Variants in IFT57 observed in about 807,000 individuals in gnomAD.
IFT57 encodes the protein intraflagellar transport protein 57 homolog.
IFT57 carries 59 observed loss-of-function variants against 56.8 expected under a neutral mutation model. The ratio of observed to expected loss-of-function variants is 1.04; its 90% CI spans 0.84 to 1.29. IFT57 has a LOEUF of 1.29. Among genes scored for constraint, IFT57 ranks in the 50% most tolerant of loss-of-function variants. The pLI, the probability that IFT57 is intolerant of heterozygous loss-of-function variation, is 0.00. For synonymous variants in IFT57, 209 were observed against 186.1 expected (o/e 1.12, Z -1.00); for missense variants, 470 against 522.1 (o/e 0.90, Z 0.97).
At chr3:108,175,161 G>A (rs1390625169) in intron 6 of IFT57, among the ~76,000 whole-genome samples, 1 of 151,540 alleles carries the variant, frequency 6.6e-6, no homozygotes, top group Non-Finnish European at 1.5e-5. Flanking sequence ...TTCTTGCTGG[G>A]GTCTACTGGT....
At position 108,163,699 on chromosome 3, in the gene IFT57, C is replaced by T. The variant is rs1476855873; in HGVS notation, c.1075G>A (p.Glu359Lys). Residue 359 changes from glutamate to lysine, a missense_variant, in exon 10 of 11, where the codon GAA becomes AAA. Coordinates refer to ENST00000264538, the MANE Select transcript of IFT57 (RefSeq NM_018010.4). Reference protein sequence around the residue: ...VMEELEKVKQEMEEKGSSMTD... With the variant: ...VMEELEKVKQKMEEKGSSMTD... The stretch of plus-strand genomic sequence containing the variant: ...ATGCTGCTGCCCTTTTCTTCCATTT[C>T]TTGTTTTACCTTTTCTAATTCTTCC... The T allele has an allele frequency of 6.2e-6, 10 of 1,610,706 alleles. No homozygotes were observed. Among genetic ancestry groups the T allele is most frequent in the African/African-American group, 1.3e-5 (1 of 74,792 alleles).
At chr3:108,205,850 CAT>C (rs2080307325) in intron 5 of IFT57, among the ~76,000 whole-genome samples, 1 of 131,618 alleles carries the variant, frequency 7.6e-6, no homozygotes, top group African/African-American at 2.8e-5. Context: ...ATTAATTTAA[CAT>C]ATATTTATAT....
chr3:108,164,517 C>G (rs2108306934), intron 9 of IFT57, among the ~76,000 whole-genome samples: 1 of 152,030 alleles, frequency 6.6e-6, no homozygotes, highest in South Asian at 2.1e-4. Context: ...CCAAGTAAAG[C>G]AAATTAATTT....
chr3:108,187,085 T>C (rs2080188087), intron 6 of IFT57, among the ~76,000 whole-genome samples: 1 of 152,150 alleles, frequency 6.6e-6, no homozygotes. Flanking sequence ...AACCTTCATG[T>C]TGTTCAAGGG....
At chr3:108,202,122 G>A (rs2080281953) in intron 5 of IFT57, among the ~76,000 whole-genome samples, 1 of 152,204 alleles carries the variant, frequency 6.6e-6, no homozygotes, top group African/African-American at 2.4e-5. Flanking sequence ...TTGAAATGAA[G>A]TGATGGGCAT....
Position 108,161,714 on chromosome 3 carries a change from G to A in IFT57, c.*763C>T, listed in dbSNP as rs1300489953. The A allele has an allele frequency of 2.0e-5, 3 of 152,066 alleles. No homozygotes were observed. Among genetic ancestry groups the A allele is most frequent in the Non-Finnish European group, 4.4e-5 (3 of 68,024 alleles). The allele number at this position is 152,066 out of a possible 1,614,324, so 9.4% of individuals were successfully genotyped here. A position where few individuals can be genotyped will look rare whatever the true frequency, so the allele number is the denominator to read the frequency against. On this transcript the variant is annotated 3_prime_UTR_variant, in exon 11 of 11. Coordinates refer to ENST00000264538, the MANE Select transcript of IFT57 (RefSeq NM_018010.4). ...ATCAGTACTAGAGGCTGATCTTCAT[G>A]CGACCTGTCATCGTTCCTTCTTCTA...
chr3:108,171,197 T>C (rs781668596), intron 6 of IFT57, among the ~76,000 whole-genome samples: 2 of 151,974 alleles, frequency 1.3e-5, no homozygotes, highest in African/African-American at 4.8e-5. Flanking sequence ...AATTATAATA[T>C]ATTAAAGCTG....
In IFT57 at chr3:108,218,587, G is replaced by T; in HGVS notation, c.442C>A (p.Leu148Ile). Residue 148 changes from leucine (L) to isoleucine (I), a missense_variant, in exon 3 of 11, where the codon CTT becomes ATT. Leu to Ile is a conservative substitution (Grantham distance 5, BLOSUM62 2). Transcript: ENST00000264538. ...SGYGEHVCYV[L>I]DCFAEEALKY... is the part of the protein sequence containing the mutation. ...AATGCTTCTTCAGCGAAGCAATCAA[G>T]AACATAGCATACATGTTCTCCATAA... The T allele has an allele frequency of 6.4e-7, 1 of 1,570,638 alleles. No homozygotes were observed. Among genetic ancestry groups the T allele is most frequent in the South Asian group, 1.2e-5 (1 of 83,270 alleles).
At position 108,205,910 on chromosome 3, in the gene IFT57, T is replaced by C. The variant is rs2080307772; in HGVS notation, c.654+718A>G. 3.1e-5 allele frequency among the ~76,000 whole-genome samples: 4 copies of C among 128,292 alleles called. No homozygotes were observed. In the Admixed American group the frequency reaches 3.7e-4, roughly 12 times the overall value. The allele number at this position is 128,292 out of a possible 152,430, so 84.2% of individuals were successfully genotyped here. On this transcript the variant is annotated intron_variant, in intron 5 of 10. Coordinates refer to ENST00000264538, the MANE Select transcript of IFT57 (RefSeq NM_018010.4). The stretch of plus-strand genomic sequence containing the variant: ...ATATTTATAATACATAATTATATAT[T>C]AATATATATTATTTATAATATATAA...
chr3:108,200,366 G>A (rs1185265895), intron 5 of IFT57, among the ~76,000 whole-genome samples: 2 of 152,030 alleles, frequency 1.3e-5, no homozygotes, highest in African/African-American at 2.4e-5. Flanking sequence ...CAGCATCCAC[G>A]GGTCTTAATG....
At chr3:108,201,687 C>A (rs2080278919) in intron 5 of IFT57, among the ~76,000 whole-genome samples, 1 of 152,094 alleles carries the variant, frequency 6.6e-6, no homozygotes, top group South Asian at 2.1e-4. Context: ...GCAAGCTGTA[C>A]ATAGAACAGT....
At chr3:108,202,331 T>C (rs1192437908) in intron 5 of IFT57, among the ~76,000 whole-genome samples, 4 of 152,294 alleles carry the variant, frequency 2.6e-5, no homozygotes, top group Admixed American at 2.0e-4. Flanking sequence ...CCAACTGACA[T>C]ATGCAAATTA....
chr3:108,214,645 T>C lies in IFT57; in HGVS notation c.495-624A>G, dbSNP rs1368165465. On this transcript the variant is annotated intron_variant, in intron 3 of 10. Transcript: ENST00000264538. ...TAATACAAACTTTAATTTTAGCCAA[T>C]CAACCAAGTGAAAAAAAATCTCATT... 2.0e-5 allele frequency among the ~76,000 whole-genome samples: 3 copies of C among 152,180 alleles called. No homozygotes were observed. The East Asian group carries it at 5.8e-4, about 29-fold the overall frequency.
intron 5 of IFT57, among the ~76,000 whole-genome samples, chr3:108,203,158 C>T (rs2080288775): frequency 1.3e-5 from 2 of 152,212 alleles, no homozygotes; most frequent in Admixed American, 1.3e-4. Flanking sequence ...GGCAACTGGC[C>T]TCCAGGGGGT....
At chr3:108,165,945 A>G (rs1209196106) in intron 8 of IFT57, among the ~76,000 whole-genome samples, 2 of 152,122 alleles carry the variant, frequency 1.3e-5, no homozygotes, top group African/African-American at 2.4e-5. Context: ...GTCAGAAACT[A>G]ACAATCAATT....
chr3:108,181,455 T>C (rs1425119866), intron 6 of IFT57, among the ~76,000 whole-genome samples: 1 of 152,060 alleles, frequency 6.6e-6, no homozygotes, highest in East Asian at 1.9e-4. Context: ...CATTCTGTTT[T>C]ATGTAGTCTC....
intron 5 of IFT57, among the ~76,000 whole-genome samples, chr3:108,200,702 G>A (rs1174395359): frequency 6.6e-6 from 1 of 152,104 alleles, no homozygotes; most frequent in Non-Finnish European, 1.5e-5. Flanking sequence ...GATCTTGTGT[G>A]ACAGCAAATT....
chr3:108,204,225 A>G (rs1576045838), intron 5 of IFT57, among the ~76,000 whole-genome samples: 1 of 151,724 alleles, frequency 6.6e-6, no homozygotes, highest in Non-Finnish European at 1.5e-5. Context: ...CCTCATTAGT[A>G]CTCCATGGTT....
intron 3 of IFT57, among the ~76,000 whole-genome samples, chr3:108,217,277 A>G (rs1162546498): frequency 6.6e-6 from 1 of 152,238 alleles, no homozygotes; most frequent in African/African-American, 2.4e-5. Flanking sequence ...AGAGGCCAGG[A>G]ATAAGATGTG....
Sources: allele counts gnomAD v4.1 joint callset (sites outside exome capture counted in the v4.1 genomes callset), GRCh38; gene constraint gnomAD v4.1.1; transcripts MANE v1.5; gene names NCBI Gene and HGNC (gene_info 2026-07-23, HGNC 2026-07-21).